IMPG2: variants seen among roughly 807,000 people sequenced by gnomAD.
The protein encoded by IMPG2 is IPM 200.
In IMPG2, 91 loss-of-function variants were observed where a neutral mutation model predicts 129.2. The observed-to-expected ratio is 0.70, with a 90% CI of 0.59 to 0.84. The LOEUF (loss-of-function observed/expected upper bound fraction) is 0.84. Ranked by LOEUF, IMPG2 falls within the 40% of genes least tolerant of loss-of-function variation. The pLI, the probability that IMPG2 is intolerant of heterozygous loss-of-function variation, is 0.00. For synonymous variants in IMPG2, 510 were observed against 517.7 expected (o/e 0.99, Z 0.20); for missense variants, 1,430 against 1,461.7 (o/e 0.98, Z 0.35).
At chr3:101,258,842 A>G (rs1461425770) in intron 9 of IMPG2, among the ~76,000 whole-genome samples, 1 of 152,194 alleles carries the variant, frequency 6.6e-6, no homozygotes, top group Non-Finnish European at 1.5e-5. Flanking sequence ...ACTCCAACTC[A>G]GATTCCTCTA....
intron 4 of IMPG2, among the ~76,000 whole-genome samples, chr3:101,285,852 G>T (rs529373133): frequency 8.5e-5 from 13 of 152,284 alleles, no homozygotes; most frequent in Admixed American, 8.5e-4. Context: ...ACATGGTGTA[G>T]TGATGAAGTC....
At chr3:101,236,292 G>A (rs2107211437) in intron 14 of IMPG2, among the ~76,000 whole-genome samples, 1 of 152,284 alleles carries the variant, frequency 6.6e-6, no homozygotes, top group Non-Finnish European at 1.5e-5. Flanking sequence ...GCACAGGGGT[G>A]GGGCTAATGC....
chr3:101,251,746 T>C (rs1706545947), intron 11 of IMPG2, among the ~76,000 whole-genome samples: 1 of 152,002 alleles, frequency 6.6e-6, no homozygotes, highest in Non-Finnish European at 1.5e-5. Context: ...TTATTACTAA[T>C]AATAAAAACA....
intron 14 of IMPG2, among the ~76,000 whole-genome samples, chr3:101,233,822 C>T (rs1247111406): frequency 6.6e-6 from 1 of 151,906 alleles, no homozygotes; most frequent in Non-Finnish European, 1.5e-5. Context: ...GGAAATGATC[C>T]ATAGACTCAT....
At chr3:101,275,174 T>C (rs576903038) in intron 6 of IMPG2, among the ~76,000 whole-genome samples, 294 of 152,310 alleles carry the variant, frequency 1.9e-3, no homozygotes, top group African/African-American at 7.0e-3. Context: ...AATTTTTTGT[T>C]AACCTGTATG....
At chr3:101,277,286 A>G (rs892441148) in intron 4 of IMPG2, among the ~76,000 whole-genome samples, 3 of 152,214 alleles carry the variant, frequency 2.0e-5, no homozygotes, top group Non-Finnish European at 2.9e-5. Flanking sequence ...ACCTTGACTA[A>G]TATATTCCTG....
intron 3 of IMPG2, among the ~76,000 whole-genome samples, chr3:101,303,169 A>G (rs1246091998): frequency 6.6e-6 from 1 of 152,216 alleles, no homozygotes; most frequent in Non-Finnish European, 1.5e-5. Context: ...TAAAGTTTAT[A>G]AATTGTACCA....
chr3:101,291,553 T>G, intron 3 of IMPG2, 43 bp from the exon 4 acceptor site: 2 of 1,483,686 alleles, frequency 1.3e-6, no homozygotes, highest in Non-Finnish European at 1.9e-6. Context: ...TTAACAACAG[T>G]TATTAAGGAG....
chr3:101,313,203 CAACT>C (rs1264070917), intron 2 of IMPG2, among the ~76,000 whole-genome samples: 2 of 152,088 alleles, frequency 1.3e-5, no homozygotes, highest in African/African-American at 4.8e-5. Flanking sequence ...CAAGAAGGTT[CAACT>C]AACTAACTTG....
rs1293875510 is a variant in IMPG2, at chr3:101,304,224, A to T, written c.423T>A (p.Cys141Ter). Residue 141 changes from cysteine to a stop codon, truncating the protein, a stop_gained, in exon 3 of 19, where the codon TGT becomes TGA. Coordinates refer to ENST00000193391, the MANE Select transcript of IMPG2 (RefSeq NM_016247.4). LOFTEE classifies it high-confidence loss of function. ...REEYHYWMNLCEDGVTSIFEM... is the reference protein window; with the variant it reads ...REEYHYWMNL ...CAAATATACTTGTGACTCCATCCTC[A>T]CACAAATTCATCCAGTAATGATATT... 1 of 1,613,762 alleles carries T rather than the reference A, an allele frequency of 6.2e-7. No homozygotes were observed. Among genetic ancestry groups the T allele is most frequent in the African/African-American group, 1.3e-5 (1 of 74,910 alleles).
chr3:101,305,108 A>G (rs79594824), intron 2 of IMPG2, among the ~76,000 whole-genome samples: 6 of 152,182 alleles, frequency 3.9e-5, no homozygotes, highest in Non-Finnish European at 8.8e-5. Context: ...ATGTCCTTCA[A>G]TAGGTGAAAG....
chr3:101,280,753 C>T (rs1706884511), intron 4 of IMPG2, among the ~76,000 whole-genome samples: 1 of 152,062 alleles, frequency 6.6e-6, no homozygotes, highest in Non-Finnish European at 1.5e-5. Context: ...CGAAACCAGC[C>T]TGGCCAACAT....
At chr3:101,295,220 A>G (rs1014955299) in intron 3 of IMPG2, among the ~76,000 whole-genome samples, 2 of 152,158 alleles carry the variant, frequency 1.3e-5, no homozygotes, top group Non-Finnish European at 1.5e-5. Flanking sequence ...TGGGTTTTAC[A>G]TTTAAGTCTT....
chr3:101,270,760 A>T (rs968227616), intron 7 of IMPG2, among the ~76,000 whole-genome samples: 3 of 152,232 alleles, frequency 2.0e-5, no homozygotes, highest in East Asian at 3.9e-4. Flanking sequence ...AGATCGCGCC[A>T]CTGCACTCCA....
At position 101,233,746 on chromosome 3, in the gene IMPG2, A is replaced by G. The variant is rs564826746; in HGVS notation, c.3023-755T>C. ...AGTTCCCACATGTTCTTCACTGGTC[A>G]ATGGTAATCTGTGAATGGTAAGTGG... is the stretch of plus-strand genomic sequence containing the variant. On this transcript the variant is annotated intron_variant, in intron 14 of 18. Coordinates refer to ENST00000193391, the MANE Select transcript of IMPG2 (RefSeq NM_016247.4). Among the ~76,000 whole-genome samples, 7 of 152,288 alleles carry G rather than the reference A, an allele frequency of 4.6e-5. No homozygotes were observed. In the East Asian group the frequency reaches 1.2e-3, roughly 25 times the overall value.
At chr3:101,319,037 A>G (rs191131170) in intron 2 of IMPG2, among the ~76,000 whole-genome samples, 50 of 152,186 alleles carry the variant, frequency 3.3e-4, no homozygotes, top group Non-Finnish European at 4.3e-4. Context: ...TTATATTTGT[A>G]TATATAATAA....
intron 2 of IMPG2, among the ~76,000 whole-genome samples, chr3:101,313,570 T>C (rs1382714087): frequency 2.6e-5 from 4 of 152,112 alleles, no homozygotes; most frequent in Non-Finnish European, 1.5e-5. Flanking sequence ...GTTATAATAT[T>C]CTGAAGAAAA....
chr3:101,293,424 G>A (rs1419935391), intron 3 of IMPG2, among the ~76,000 whole-genome samples: 1 of 152,162 alleles, frequency 6.6e-6, no homozygotes, highest in Admixed American at 6.5e-5. Flanking sequence ...GGTTTCAAAG[G>A]TGGGCTTAAA....
In IMPG2 at chr3:101,273,597, T is replaced by C; in HGVS notation, c.812A>G (p.Glu271Gly). The C allele has an allele frequency of 1.9e-6, 3 of 1,614,140 alleles. No homozygotes were observed. Among genetic ancestry groups the C allele is most frequent in the Non-Finnish European group, 2.5e-6 (3 of 1,180,018 alleles). Residue 271 changes from glutamate to glycine, a missense_variant, in exon 7 of 19, where the codon GAA (glutamate) becomes GGA (glycine). Physicochemically the swap from Glu to Gly is moderately conservative, Grantham distance 98. Transcript: ENST00000193391. ...SSSFHHQHLE[E>G]EFISEVENAF... The stretch of plus-strand genomic sequence containing the variant: ...ATCACCCACCTCTGAAATAAATTCT[T>C]CTTCAAGGTGCTGGTGGTGAAAGCT...
Sources: allele counts gnomAD v4.1 joint callset (sites outside exome capture counted in the v4.1 genomes callset), GRCh38; gene constraint gnomAD v4.1.1; transcripts MANE v1.5; gene names NCBI Gene and HGNC (gene_info 2026-07-23, HGNC 2026-07-21).